DAPK3: variants seen among roughly 807,000 people sequenced by gnomAD.
DAPK3 encodes the protein death-associated protein kinase 3.
DAPK3 carries 24 observed loss-of-function variants against 30.6 expected under a neutral mutation model. That is an observed-to-expected ratio of 0.78 (90% CI 0.57 to 1.10). The LOEUF is 1.10. DAPK3 is among the 50% of genes least tolerant of loss of function. The pLI is 0.00. For synonymous variants in DAPK3, 341 were observed against 284.0 expected, an observed-to-expected ratio of 1.20 and a Z score of -2.02; for missense variants, 629 against 657.3, an observed-to-expected ratio of 0.96 and a Z score of 0.47.
intron 6 of DAPK3, chr19:3,961,858 A>C (rs1044957885): frequency 1.2e-4 from 26 of 208,114 alleles, no homozygotes; most frequent in Non-Finnish European, 2.4e-4. Context: ...CTGGCACTTT[A>C]AATTTTTTAA....
intron 2 of DAPK3, among the ~76,000 whole-genome samples, chr19:3,965,876 C>T (rs747729665): frequency 6.6e-6 from 1 of 151,994 alleles, no homozygotes; most frequent in Non-Finnish European, 1.5e-5. Context: ...ATGTTGCCCA[C>T]GCTGGTCTCG....
chr19:3,967,793 T>A (rs1001948020), intron 2 of DAPK3, among the ~76,000 whole-genome samples: 7 of 152,146 alleles, frequency 4.6e-5, no homozygotes, highest in Non-Finnish European at 1.0e-4. Context: ...TGGGCCTTCA[T>A]CTTGCACTTC....
At chr19:3,961,727 G>A in intron 6 of DAPK3, 1 of 345,686 alleles carries the variant, frequency 2.9e-6, no homozygotes, top group Middle Eastern at 1.1e-3. Context: ...CAGGGTCAAG[G>A]TCATGAAAGC....
At chr19:3,963,779 C>G (rs574346333) in intron 5 of DAPK3, 92 bp downstream of exon 5, 6 of 1,240,292 alleles carry the variant, frequency 4.8e-6, no homozygotes, top group Admixed American at 2.0e-5. Flanking sequence ...CATACCCCAA[C>G]AGCAGCAAGG....
rs1179438707 is a variant in DAPK3, at chr19:3,959,105, C to T, written c.1361G>A (p.Arg454His). 13 of 1,536,282 alleles carry T rather than the reference C, an allele frequency of 8.5e-6. No homozygotes were observed. Among genetic ancestry groups the T allele is most frequent in the Non-Finnish European group, 1.7e-6 (2 of 1,144,198 alleles). Residue 454 changes from arginine to histidine, a missense_variant, in exon 9 of 9, where the codon CGC (arginine) becomes CAC (histidine). Physicochemically the swap from Arg to His is conservative, Grantham distance 29 (BLOSUM62 0). Around this residue, in one of 2 missense-constraint regions of DAPK3, gnomAD observed 323 missense variants for 278.8 expected, o/e 1.16. Transcript: ENST00000545797. Reference sequence around the variant, plus strand: ...GCCTGGCCCACCCCACTGCGCCTAGCGCAGCCCGCACTCCACGCCCTGCAG... The same window carrying T: ...GCCTGGCCCACCCCACTGCGCCTAGTGCAGCCCGCACTCCACGCCCTGCAG... Reference protein sequence around the residue: ...EKLQGVECGLR With the variant: ...EKLQGVECGLH
intron 5 of DAPK3, 84 bp from the exon 6 acceptor site, chr19:3,963,753 A>T: frequency 7.9e-7 from 1 of 1,270,596 alleles, no homozygotes; most frequent in Non-Finnish European, 1.1e-6. Flanking sequence ...CCCCTGTTCT[A>T]GGGCAACGGT....
chr19:3,970,738 C>T (rs1283862419), intron 1 of DAPK3, 183 bp downstream of exon 1: 1 of 152,724 alleles, frequency 6.5e-6, no homozygotes. Flanking sequence ...CCTTCTCGCC[C>T]GCAATCTCCG....
At chr19:3,964,416 C>A in intron 3 of DAPK3, 43 bp from the exon 4 acceptor site, 1 of 1,560,202 alleles carries the variant, frequency 6.4e-7, no homozygotes, top group Non-Finnish European at 8.7e-7. Context: ...CGGGCCTCCC[C>A]CACCCTCACC....
chr19:3,969,524 C>G (rs1599184321), intron 2 of DAPK3, 150 bp downstream of exon 2: 1 of 523,542 alleles, frequency 1.9e-6, no homozygotes, highest in Non-Finnish European at 3.4e-6. Flanking sequence ...TCTGACTCCA[C>G]GGCCCAAATT....
At position 3,964,672 on chromosome 19, in the gene DAPK3, G is replaced by A. The variant is rs1374397443; in HGVS notation, c.382C>T (p.His128Tyr). 1 of 1,609,634 alleles carries A rather than the reference G, an allele frequency of 6.2e-7. No homozygotes were observed. Among genetic ancestry groups the A allele is most frequent in the Admixed American group, 1.7e-5 (1 of 59,674 alleles). Residue 128 changes from histidine to tyrosine, a missense_variant, in exon 3 of 9, where the codon CAC (histidine) becomes TAC (tyrosine). By Grantham distance (83) the His-to-Tyr change is moderately conservative (BLOSUM62 2). Coordinates refer to ENST00000545797, the MANE Select transcript of DAPK3 (RefSeq NM_001348.3). ...QFLKQILDGV[H>Y]YLHSKRIAHF... The stretch of plus-strand genomic sequence containing the variant: ...GCGATGCGCTTAGAGTGCAGGTAGT[G>A]AACGCCGTCCAGGATCTGCTTGAGG...
chr19:3,959,551 G>A lies in DAPK3; in HGVS notation c.915C>T (p.Tyr305=). The A allele has an allele frequency of 1.3e-6, 2 of 1,580,924 alleles. No individual in the cohort carries two copies. Among genetic ancestry groups the A allele is most frequent in the Non-Finnish European group, 1.7e-6 (2 of 1,172,340 alleles). The change falls in exon 9 of 9, where the codon TAC becomes TAT. Residue 305 remains tyrosine, a synonymous_variant. Coordinates refer to ENST00000545797, the MANE Select transcript of DAPK3 (RefSeq NM_001348.3). ...GCAAGCTGGAGTGCGACTTGATGGT[G>A]TACTCCTTCAGACGCGTGGTCTTCA... is the stretch of plus-strand genomic sequence containing the variant. ...RRLKTTRLKE[Y]TIKSHSSLPP...
intron 6 of DAPK3, among the ~76,000 whole-genome samples, chr19:3,962,787 CAAA>C (rs35117218): frequency 0.011 from 721 of 68,022 alleles, 13 homozygotes; most frequent in African/African-American, 0.044. Context: ...AACTCTGTCT[CAAA>C]AAAAAAAAAA....
chr19:3,960,799 G>C (rs1300357493), intron 7 of DAPK3, among the ~76,000 whole-genome samples: 1 of 36,022 alleles, frequency 2.8e-5, no homozygotes, highest in Non-Finnish European at 5.5e-5. Context: ...AAAAGACTCC[G>C]TCTCAAAAAA....
intron 6 of DAPK3, among the ~76,000 whole-genome samples, chr19:3,963,186 T>C (rs938243171): frequency 2.0e-5 from 3 of 151,252 alleles, no homozygotes; most frequent in Non-Finnish European, 4.4e-5. Flanking sequence ...GGTGGGAGGA[T>C]TGCTTAAGTC....
At chr19:3,961,791 T>A in intron 6 of DAPK3, 1 of 309,710 alleles carries the variant, frequency 3.2e-6, no homozygotes, top group South Asian at 2.8e-5. Context: ...AATGGCTAAA[T>A]GCCGTGTGGG....
chr19:3,962,509 C>T (rs1293631954), intron 6 of DAPK3, among the ~76,000 whole-genome samples: 1 of 152,194 alleles, frequency 6.6e-6, no homozygotes, highest in Non-Finnish European at 1.5e-5. Flanking sequence ...GGCACGGTGG[C>T]TCACACCTGT....
At position 3,959,666 on chromosome 19, in the gene DAPK3, C is replaced by A; in HGVS notation, c.829-29G>T. 2.0e-6 allele frequency: 3 copies of A among 1,527,346 alleles called. No homozygotes were observed. The South Asian group carries it at 3.7e-5, about 19-fold the overall frequency. 94.6% of individuals were successfully genotyped at this position (1,527,346 alleles called of 1,614,324 possible). A position where few individuals can be genotyped will look rare whatever the true frequency, so the allele number is the denominator to read the frequency against. Reference sequence around the variant, plus strand: ...GGAAGGAGGGAAGCCTGAGCGGGGTCCCCGCGATGCCACCCAGCCCCGCCA... The same window carrying A: ...GGAAGGAGGGAAGCCTGAGCGGGGTACCCGCGATGCCACCCAGCCCCGCCA... On this transcript the variant is annotated intron_variant, in intron 8 of 8. Coordinates refer to ENST00000545797, the MANE Select transcript of DAPK3 (RefSeq NM_001348.3).
chr19:3,968,944 G>A (rs1187949298), intron 2 of DAPK3, among the ~76,000 whole-genome samples: 1 of 152,228 alleles, frequency 6.6e-6, no homozygotes, highest in Non-Finnish European at 1.5e-5. Context: ...GACCCTCCAA[G>A]GCCCAGACAG....
chr19:3,963,955 A>C (rs372902929), intron 4 of DAPK3, 36 bp from the exon 5 acceptor site: 2 of 1,420,140 alleles, frequency 1.4e-6, no homozygotes, highest in African/African-American at 2.8e-5. Flanking sequence ...GGCACTGGGG[A>C]CATGCTGGCC....
Sources: gnomAD v4.1 joint callset for allele counts (sites outside exome capture counted in the v4.1 genomes callset) on GRCh38, gnomAD v4.1.1 for gene constraint, gnomAD v4.1.1 regional missense constraint, MANE v1.5 for transcripts, NCBI Gene and HGNC (gene_info 2026-07-23, HGNC 2026-07-21) for gene names.